CHD9NB: variants seen among roughly 807,000 people sequenced by gnomAD.
CHD9NB encodes CHD9 neighbor, also known as CHD9 neighbor protein.
At chr16:53,039,426 T>C in the CHD9NB span, among the ~76,000 whole-genome samples, 22 of 152,152 alleles carry the variant, frequency 1.4e-4, no homozygotes, top group Non-Finnish European at 2.9e-4. Flanking sequence ...GAAGGTGAAC[T>C]TTCCTTTCCT....
the CHD9NB span, among the ~76,000 whole-genome samples, chr16:53,037,876 G>T: frequency 6.6e-6 from 1 of 152,040 alleles, no homozygotes; most frequent in Non-Finnish European, 1.5e-5. Context: ...TATTAGTCAG[G>T]GTCCTCCAGA....
At chr16:53,044,392 T>C in the CHD9NB span, 8 of 381,032 alleles carry the variant, frequency 2.1e-5, 1 homozygote, top group Admixed American at 3.6e-4. Context: ...TTCCAGGCAC[T>C]GTGCCCCATT....
chr16:53,042,998 T>G, the CHD9NB span: 4 of 152,380 alleles, frequency 2.6e-5, no homozygotes, highest in East Asian at 7.7e-4. Flanking sequence ...CTCGCCTCTG[T>G]TCTCACTCCT....
chr16:53,050,366 G>T, the CHD9NB span, among the ~76,000 whole-genome samples: 2 of 152,012 alleles, frequency 1.3e-5, no homozygotes, highest in African/African-American at 4.8e-5. Context: ...AAATTAGCCA[G>T]ACATGATGGC....
chr16:53,052,651 G>C, the CHD9NB span: 2 of 152,496 alleles, frequency 1.3e-5, no homozygotes, highest in African/African-American at 4.8e-5. Flanking sequence ...ATGCTTTGGG[G>C]CACAGTGGTG....
chr16:53,050,429 G>A, the CHD9NB span, among the ~76,000 whole-genome samples: 82 of 152,182 alleles, frequency 5.4e-4, no homozygotes, highest in African/African-American at 1.8e-3. Context: ...AATCACTTGA[G>A]CCTGGGAGGT....
chr16:53,036,927 C>T, the CHD9NB span, among the ~76,000 whole-genome samples: 4 of 152,180 alleles, frequency 2.6e-5, no homozygotes, highest in African/African-American at 4.8e-5. Flanking sequence ...GCTGTCCTCA[C>T]GTTGGCTTCA....
At chr16:53,039,769 C>T in the CHD9NB span, among the ~76,000 whole-genome samples, 2 of 151,560 alleles carry the variant, frequency 1.3e-5, no homozygotes, top group Non-Finnish European at 2.9e-5. Flanking sequence ...AAAGAAGACT[C>T]TCAGTGGACT....
the CHD9NB span, among the ~76,000 whole-genome samples, chr16:53,046,571 GCTA>G: frequency 6.6e-6 from 1 of 151,804 alleles, no homozygotes; most frequent in Admixed American, 6.6e-5. Flanking sequence ...TGTAGTCCCA[GCTA>G]CTTGGGAGGC....
At chr16:53,042,425 C>T in the CHD9NB span, among the ~76,000 whole-genome samples, 2 of 149,954 alleles carry the variant, frequency 1.3e-5, no homozygotes, top group East Asian at 4.0e-4. Flanking sequence ...CTCTGTTTCC[C>T]CTCCTCCTTT....
the CHD9NB span, among the ~76,000 whole-genome samples, chr16:53,041,020 A>G: frequency 6.6e-6 from 1 of 152,034 alleles, no homozygotes; most frequent in Non-Finnish European, 1.5e-5. Context: ...GAAAGGATGG[A>G]TGGACAGATG....
At chr16:53,047,258 G>A in the CHD9NB span, 9 of 152,290 alleles carry the variant, frequency 5.9e-5, no homozygotes, top group African/African-American at 9.6e-5. Context: ...TATATTGCTA[G>A]TGGGAACCAT....
At chr16:53,036,422 A>C in the CHD9NB span, among the ~76,000 whole-genome samples, 2 of 152,050 alleles carry the variant, frequency 1.3e-5, no homozygotes, top group East Asian at 1.9e-4. Flanking sequence ...TATCTACTCC[A>C]CCTGCCCTTT....
At chr16:53,041,621 G>A in the CHD9NB span, among the ~76,000 whole-genome samples, 2 of 152,096 alleles carry the variant, frequency 1.3e-5, no homozygotes, top group Admixed American at 1.3e-4. Flanking sequence ...AGGAGCTAGT[G>A]AAATAAGGGC....
At chr16:53,039,895 G>A in the CHD9NB span, among the ~76,000 whole-genome samples, 1 of 152,006 alleles carries the variant, frequency 6.6e-6, no homozygotes, top group Non-Finnish European at 1.5e-5. Context: ...CTGAGAGTGA[G>A]GAAAGGGTTC....
the CHD9NB span, among the ~76,000 whole-genome samples, chr16:53,038,493 G>GGCACGTGCCACC: frequency 7.6e-6 from 1 of 131,456 alleles, no homozygotes; most frequent in African/African-American, 2.8e-5. Context: ...TGGAATTACA[G>GGCACGTGCCACC]GCACGTGCCA....
At chr16:53,044,461 C>T in the CHD9NB span, among the ~76,000 whole-genome samples, 1 of 152,196 alleles carries the variant, frequency 6.6e-6, no homozygotes, top group Non-Finnish European at 1.5e-5. Context: ...ATCCCACCAC[C>T]ACCTCCTAGT....
At chr16:53,041,074 G>GGATGCATGGATGATGGATA in the CHD9NB span, among the ~76,000 whole-genome samples, 1 of 152,156 alleles carries the variant, frequency 6.6e-6, no homozygotes, top group Non-Finnish European at 1.5e-5. Flanking sequence ...GTGGGTGGAT[G>GGATGCATGGATGATGGATA]GATGCATGGA....
At chr16:53,038,947 C>T in the CHD9NB span, among the ~76,000 whole-genome samples, 1 of 152,124 alleles carries the variant, frequency 6.6e-6, no homozygotes, top group Admixed American at 6.6e-5. Context: ...ACATTTTGTC[C>T]TATGGGCACC....
Sources: allele counts gnomAD v4.1 joint callset (sites outside exome capture counted in the v4.1 genomes callset), GRCh38; gene constraint gnomAD v4.1.1; transcripts MANE v1.5; gene names NCBI Gene and HGNC (gene_info 2026-07-23, HGNC 2026-07-21).